The following P2RX3 variants were observed in gnomAD, a reference collection of about 807,000 sequenced individuals.
P2RX3 encodes P2X purinoceptor 3.
Under a neutral mutation model 51.5 loss-of-function variants are expected in P2RX3, and 41 were observed. The observed-to-expected ratio is 0.80, with a 90% CI of 0.62 to 1.03. The LOEUF (loss-of-function observed/expected upper bound fraction) is 1.03, where lower values mean the gene tolerates loss of function less well. P2RX3 is among the 50% of genes least tolerant of loss of function. The pLI is 0.00. For synonymous variants in P2RX3, 185 were observed against 191.6 expected (o/e 0.97, Z 0.29); for missense variants, 459 against 522.1 (o/e 0.88, Z 1.18).
In P2RX3 at chr11:57,370,013, C is replaced by T; in HGVS notation, c.*16C>T. 3.2e-6 allele frequency: 5 copies of T among 1,573,590 alleles called. No individual in the cohort carries two copies. Among genetic ancestry groups the T allele is most frequent in the Non-Finnish European group, 4.4e-6 (5 of 1,144,578 alleles). ...AGGCCACTAGGGCCTCTTTCCAGGG[C>T]CCCACACTCACAAAGGCTCCAGGCC... On this transcript the variant is annotated 3_prime_UTR_variant, in exon 12 of 12. Coordinates refer to ENST00000263314, the MANE Select transcript of P2RX3 (RefSeq NM_002559.5).
chr11:57,342,104 T>C (rs1390763001), intron 1 of P2RX3, among the ~76,000 whole-genome samples: 4 of 146,576 alleles, frequency 2.7e-5, no homozygotes, highest in Non-Finnish European at 6.0e-5. Flanking sequence ...ACAGATATGG[T>C]GGAAAGAGCT....
intron 8 of P2RX3, among the ~76,000 whole-genome samples, chr11:57,357,681 C>T (rs1856651955): frequency 1.3e-5 from 2 of 151,776 alleles, no homozygotes; most frequent in African/African-American, 4.8e-5. Context: ...TTTTTAATGC[C>T]TGCCTTTGAG....
At chr11:57,369,102 G>A (rs575395280) in intron 10 of P2RX3, among the ~76,000 whole-genome samples, 2 of 152,158 alleles carry the variant, frequency 1.3e-5, no homozygotes, top group Non-Finnish European at 2.9e-5. Flanking sequence ...CCATCCATGA[G>A]GGCAGAGCCC....
chr11:57,348,455 C>G, intron 5 of P2RX3, 172 bp from the exon 6 acceptor site: 1 of 704,732 alleles, frequency 1.4e-6, no homozygotes, highest in South Asian at 1.9e-5. Context: ...CCTCCTCCTG[C>G]TGTGACACTC....
At position 57,338,633 on chromosome 11, in the gene P2RX3, G is replaced by A. The variant is rs754831763; in HGVS notation, c.83G>A (p.Arg28Gln). 11 of 1,594,292 alleles carry A rather than the reference G, an allele frequency of 6.9e-6. No individual in the cohort carries two copies. In the South Asian group the frequency reaches 7.8e-5, roughly 11 times the overall value. Residue 28 changes from arginine (R) to glutamine (Q), a missense_variant, in exon 1 of 12, where the codon CGA (arginine) becomes CAA (glutamine). Arg to Gln is a conservative substitution (Grantham distance 43). Transcript: ENST00000263314. ...AGCTGGACCATCGGGATCATCAACC[G>A]AGTAGTTCAGCTTCTGATCATCTCC... ...VKSWTIGIIN[R>Q]VVQLLIISYF... is the part of the protein sequence containing the mutation.
rs1300868306 is a variant in P2RX3, at chr11:57,369,890, G to A, written c.1087G>A (p.Glu363Lys). ...CCAGCTCTTTCGCCTGCAGGTGAATGAGACTACGCTGAAAATCGCGGCTTT... is the reference window on the plus strand; with the variant it reads ...CCAGCTCTTTCGCCTGCAGGTGAATAAGACTACGCTGAAAATCGCGGCTTT... ...YKAKKFEEVN[E>K]TTLKIAALTN... Residue 363 changes from glutamate to lysine, a missense_variant, in exon 12 of 12, where the codon GAG (glutamate) becomes AAG (lysine). Glu to Lys is a moderately conservative substitution (Grantham distance 56). Transcript: ENST00000263314. 1.9e-6 allele frequency: 3 copies of A among 1,610,932 alleles called. No individual in the cohort carries two copies. The highest frequency in any genetic ancestry group is 2.2e-5 in the South Asian group (2 of 90,932).
At chr11:57,347,218 G>A in intron 3 of P2RX3, 31 bp downstream of exon 3, 2 of 1,607,910 alleles carry the variant, frequency 1.2e-6, no homozygotes, top group Admixed American at 1.7e-5. Context: ...GGGTGAAGCA[G>A]GTCAAGGCTG....
At chr11:57,351,997 A>G (rs1192589549) in intron 8 of P2RX3, among the ~76,000 whole-genome samples, 1 of 152,230 alleles carries the variant, frequency 6.6e-6, no homozygotes, top group Non-Finnish European at 1.5e-5. Flanking sequence ...TACACTAAAC[A>G]GCTTAAATAG....
rs140252849 is a variant in P2RX3, at chr11:57,369,333, G to A, written c.1003-28G>A. ...TCCCACCCAACCCAGGGCACCCCTCGGAGCCCGCCCTGCCTCTCCTCCTCC... is the reference window on the plus strand; with the variant it reads ...TCCCACCCAACCCAGGGCACCCCTCAGAGCCCGCCCTGCCTCTCCTCCTCC... On this transcript the variant is annotated intron_variant, in intron 10 of 11. Coordinates refer to ENST00000263314, the MANE Select transcript of P2RX3 (RefSeq NM_002559.5). The A allele has an allele frequency of 5.6e-4, 902 of 1,603,916 alleles. 5 individuals are homozygous for A. The African/African-American group carries it at 0.01, about 18-fold the overall frequency.
chr11:57,355,355 T>TTTTA (rs1856612512), intron 8 of P2RX3, among the ~76,000 whole-genome samples: 1 of 146,754 alleles, frequency 6.8e-6, no homozygotes, highest in African/African-American at 2.6e-5. Flanking sequence ...TTTTTTTTTT[T>TTTTA]GAGACAGAGT....
At chr11:57,342,127 A>G (rs1158147855) in intron 1 of P2RX3, among the ~76,000 whole-genome samples, 1 of 149,372 alleles carries the variant, frequency 6.7e-6, no homozygotes, top group East Asian at 2.0e-4. Context: ...TATGGTGGGA[A>G]GAACTGTTGG....
Position 57,343,058 on chromosome 11 carries a change from C to T in P2RX3, c.120-3486C>T, listed in dbSNP as rs117452536. On this transcript the variant is annotated intron_variant, in intron 1 of 11. Transcript: ENST00000263314. ...AATCGAAGGCTCAGGCCTGCCCTAG[C>T]TCCTGAGCCCTGGCCTCCAGAGACA... 2.1e-4 allele frequency among the ~76,000 whole-genome samples: 32 copies of T among 152,364 alleles called. No homozygotes were observed. In the East Asian group the frequency reaches 6.2e-3, roughly 29 times the overall value.
intron 8 of P2RX3, among the ~76,000 whole-genome samples, chr11:57,361,514 G>A (rs934468094): frequency 5.3e-5 from 8 of 152,068 alleles, no homozygotes; most frequent in African/African-American, 1.9e-4. Context: ...TCATTGTTCA[G>A]CTCCCACTTA....
rs143889563 is a variant in P2RX3, at chr11:57,369,972, C to T, written c.1169C>T (p.Ser390Leu). Reference sequence around the variant, plus strand: ...ACAGCGGAGAAGCAGTCCACCGATTCGGGGGCCTTCTCCATAGGCCACTAG... The same window carrying T: ...ACAGCGGAGAAGCAGTCCACCGATTTGGGGGCCTTCTCCATAGGCCACTAG... ...QTTAEKQSTDSGAFSIGH is the reference protein window; with the variant it reads ...QTTAEKQSTDLGAFSIGH Residue 390 changes from serine (S) to leucine (L), a missense_variant, in exon 12 of 12, where the codon TCG becomes TTG. Ser to Leu is a moderately radical substitution (Grantham distance 145). Transcript: ENST00000263314. The T allele has an allele frequency of 3.6e-4, 581 of 1,613,656 alleles. No homozygotes were observed. The highest frequency in any genetic ancestry group is 4.6e-4 in the Non-Finnish European group (548 of 1,179,824).
At chr11:57,367,449 G>A (rs549414579) in intron 8 of P2RX3, among the ~76,000 whole-genome samples, 5 of 152,172 alleles carry the variant, frequency 3.3e-5, no homozygotes, top group South Asian at 4.1e-4. Flanking sequence ...GGCCGGACGC[G>A]GTGGCTCACC....
At chr11:57,340,910 CAG>C (rs949658580) in intron 1 of P2RX3, among the ~76,000 whole-genome samples, 2 of 152,116 alleles carry the variant, frequency 1.3e-5, no homozygotes, top group Admixed American at 6.5e-5. Flanking sequence ...GGCTGGCAAA[CAG>C]GGGAAAGAAA....
intron 8 of P2RX3, 112 bp from the exon 9 acceptor site, chr11:57,367,892 AAACCG>A (rs1856819932): frequency 1.3e-6 from 1 of 752,258 alleles, no homozygotes; most frequent in Admixed American, 2.2e-5. Context: ...TTGTCTCAGC[AAACCG>A]TAAGTAAGGG....
Position 57,346,609 on chromosome 11 carries a change from C to T in P2RX3, c.185C>T (p.Thr62Ile). The change falls in exon 2 of 12, where the codon ACC (threonine) becomes ATC (isoleucine). Residue 62 changes from threonine to isoleucine, a missense_variant. Transcript: ENST00000263314. ...ACAGCCATTGAGTCCTCGGTGGTAA[C>T]CAAGGTGAAGGGCTCCGGACTCTAC... ...RDTAIESSVV[T>I]KVKGSGLYAN... 1 of 1,614,188 alleles carries T rather than the reference C, an allele frequency of 6.2e-7. No homozygotes were observed. The highest frequency in any genetic ancestry group is 8.5e-7 in the Non-Finnish European group (1 of 1,180,032).
At chr11:57,346,413 C>A in intron 1 of P2RX3, 131 bp from the exon 2 acceptor site, 1 of 1,109,400 alleles carries the variant, frequency 9.0e-7, no homozygotes, top group Non-Finnish European at 1.3e-6. Flanking sequence ...GGTCTCACGC[C>A]TCTGGAAGGA....
Sources: gnomAD v4.1 joint callset for allele counts (sites outside exome capture counted in the v4.1 genomes callset) on GRCh38, gnomAD v4.1.1 for gene constraint, MANE v1.5 for transcripts, NCBI Gene and HGNC (gene_info 2026-07-23, HGNC 2026-07-21) for gene names.